The following NRF1 variants were observed in gnomAD, a reference collection of about 807,000 sequenced individuals.
NRF1 encodes alpha palindromic-binding protein.
Under a neutral mutation model 58.5 loss-of-function variants are expected in NRF1, and 5 were observed. That is an observed-to-expected ratio of 0.09 (90% CI 0.04 to 0.18). NRF1 has a LOEUF of 0.18. Ranked by LOEUF, NRF1 falls within the 10% of genes least tolerant of loss-of-function variation. The pLI, the probability that NRF1 is intolerant of heterozygous loss-of-function variation, is 1.00. For missense variants in NRF1, 288 were observed against 657.7 expected (o/e 0.44, Z 6.15); for synonymous variants, 224 against 246.7 (o/e 0.91, Z 0.86).
Position 129,671,339 on chromosome 7 carries a change from C to G in NRF1, c.224-90C>G, listed in dbSNP as rs1004637414. The G allele has an allele frequency of 2.9e-5, 20 of 687,304 alleles. No individual in the cohort carries two copies. In the African/African-American group the frequency reaches 3.4e-4, roughly 12 times the overall value. The allele number at this position is 687,304 out of a possible 1,614,324, so 42.6% of individuals were successfully genotyped here. A position where few individuals can be genotyped will look rare whatever the true frequency, so the allele number is the denominator to read the frequency against. On this transcript the variant is annotated intron_variant, in intron 2 of 10. Transcript: ENST00000393232. ...TTTACCGACAACAATATTAGGAAAG[C>G]AGTGCTACCTTTTTTGTACCTTTAA...
chr7:129,691,971 A>G (rs1449177426), intron 5 of NRF1, among the ~76,000 whole-genome samples: 1 of 151,988 alleles, frequency 6.6e-6, no homozygotes, highest in East Asian at 1.9e-4. Flanking sequence ...TCTCCACTCC[A>G]CATCTGTTCC....
chr7:129,737,559 A>G (rs1803745685), intron 10 of NRF1, among the ~76,000 whole-genome samples: 1 of 150,782 alleles, frequency 6.6e-6, no homozygotes, highest in South Asian at 2.1e-4. Context: ...AGACTGTAAA[A>G]CACATCTCCT....
At chr7:129,699,991 T>C (rs1412304195) in intron 5 of NRF1, among the ~76,000 whole-genome samples, 1 of 106,958 alleles carries the variant, frequency 9.3e-6, no homozygotes, top group Non-Finnish European at 2.0e-5. Context: ...AAAAAAAAAA[T>C]TTAGCCGGGC....
At chr7:129,634,061 TACAC>T (rs141834786) in intron 1 of NRF1, among the ~76,000 whole-genome samples, 98 of 131,464 alleles carry the variant, frequency 7.5e-4, no homozygotes, top group Admixed American at 1.8e-3. Flanking sequence ...TATATATATA[TACAC>T]ACACACACAC....
chr7:129,612,696 CAG>C (rs1230194350), intron 1 of NRF1, among the ~76,000 whole-genome samples: 4 of 152,304 alleles, frequency 2.6e-5, no homozygotes, highest in South Asian at 4.1e-4. Context: ...ACTGGAAAGA[CAG>C]GGGCTCTGAG....
At chr7:129,745,510 C>CT (rs386411288) in intron 10 of NRF1, among the ~76,000 whole-genome samples, 1 of 148,750 alleles carries the variant, frequency 6.7e-6, no homozygotes, top group Non-Finnish European at 1.5e-5. Context: ...CCCTCAACCC[C>CT]CCCCCCATCC....
chr7:129,745,874 AT>A (rs1435977823), intron 10 of NRF1, among the ~76,000 whole-genome samples: 1 of 152,220 alleles, frequency 6.6e-6, no homozygotes, highest in Non-Finnish European at 1.5e-5. Flanking sequence ...TTCAGTTTTA[AT>A]ATTTGGCTTA....
chr7:129,696,526 G>A (rs1021293810), intron 5 of NRF1, among the ~76,000 whole-genome samples: 1 of 152,146 alleles, frequency 6.6e-6, no homozygotes, highest in African/African-American at 2.4e-5. Context: ...TAGCCATAAA[G>A]AACAAGTACA....
chr7:129,719,524 AC>A (rs1562982147), intron 9 of NRF1, among the ~76,000 whole-genome samples: 3 of 150,546 alleles, frequency 2.0e-5, no homozygotes, highest in African/African-American at 7.3e-5. Context: ...ACACACACAC[AC>A]ACACACACAC....
At chr7:129,754,534 T>C (rs1364237628) in intron 10 of NRF1, among the ~76,000 whole-genome samples, 1 of 147,902 alleles carries the variant, frequency 6.8e-6, no homozygotes, top group African/African-American at 2.5e-5. Flanking sequence ...AGAATAATAG[T>C]TACCAGAGTC....
chr7:129,613,293 T>G (rs1353905996), intron 1 of NRF1, among the ~76,000 whole-genome samples: 1 of 151,324 alleles, frequency 6.6e-6, no homozygotes, highest in Non-Finnish European at 1.5e-5. Context: ...GAGATGCTGT[T>G]TGTGTGTGTG....
intron 10 of NRF1, among the ~76,000 whole-genome samples, chr7:129,732,594 G>A (rs1199345909): frequency 3.7e-5 from 2 of 54,304 alleles, no homozygotes; most frequent in Admixed American, 2.2e-4. Flanking sequence ...TTGTCCTTTG[G>A]GGTTTTTGTT....
chr7:129,686,138 AAAG>A (rs1460531982), intron 4 of NRF1, among the ~76,000 whole-genome samples: 1 of 151,700 alleles, frequency 6.6e-6, no homozygotes, highest in African/African-American at 2.4e-5. Flanking sequence ...TAGAAGTTTC[AAAG>A]AAGAGAACTT....
At position 129,619,411 on chromosome 7, in the gene NRF1, TATATATATATATATATATATATAC is replaced by T. The variant is rs1264259138; in HGVS notation, c.-7+7589_-7+7612del. Among the ~76,000 whole-genome samples, 8 of 95,476 alleles carry T rather than the reference TATATATATATATATATATATATAC, an allele frequency of 8.4e-5. 1 individual carries two copies. Among genetic ancestry groups the T allele is most frequent in the Middle Eastern group, 0.01 (2 of 198 alleles). The allele number at this position is 95,476 out of a possible 152,430, so 62.6% of individuals were successfully genotyped here. On this transcript the variant is annotated intron_variant, in intron 1 of 10. Transcript: ENST00000393232. ...TGGCATACGTGTATATATATATATA[TATATATATATATATATATATATAC>T]ACACACACACACATATATATACACG...
In NRF1 at chr7:129,755,262, T is replaced by A; in HGVS notation, c.*81T>A. ...TTGCAGAGGTGCAATCAAATGGAAT[T>A]AAGTCTCTCGACTTTGGAAGGAAAG... On this transcript the variant is annotated 3_prime_UTR_variant, in exon 11 of 11. Transcript: ENST00000393232. This position sits in a 1 kb window ranked among gnomAD's most constrained non-coding sequence, Gnocchi z 5.8. 1 of 1,249,268 alleles carries A rather than the reference T, an allele frequency of 8.0e-7. No individual in the cohort carries two copies. Among genetic ancestry groups the A allele is most frequent in the Non-Finnish European group, 1.1e-6 (1 of 944,184 alleles). The allele number at this position is 1,249,268 out of a possible 1,614,324, so 77.4% of individuals were successfully genotyped here.
At chr7:129,713,583 C>T (rs1803124368) in intron 8 of NRF1, among the ~76,000 whole-genome samples, 1 of 152,184 alleles carries the variant, frequency 6.6e-6, no homozygotes, top group African/African-American at 2.4e-5. Flanking sequence ...TCAGTAAACA[C>T]TTTTTGAGCC....
chr7:129,736,627 A>G (rs1329991834), intron 10 of NRF1, among the ~76,000 whole-genome samples: 1 of 89,834 alleles, frequency 1.1e-5, no homozygotes, highest in Non-Finnish European at 2.4e-5. Context: ...TTTGGTATCT[A>G]TAGCTTTTTT....
chr7:129,656,842 G>T (rs1801668727), intron 1 of NRF1, among the ~76,000 whole-genome samples: 1 of 152,216 alleles, frequency 6.6e-6, no homozygotes, highest in East Asian at 1.9e-4. Flanking sequence ...CTCCCAAAGT[G>T]CTGGGACTAC....
intron 2 of NRF1, among the ~76,000 whole-genome samples, chr7:129,669,161 G>A (rs1801986907): frequency 6.6e-6 from 1 of 152,102 alleles, no homozygotes; most frequent in Non-Finnish European, 1.5e-5. Context: ...TGGCCAGGCT[G>A]GTCTCAAACT....
Sources: gnomAD v4.1 joint callset for allele counts (sites outside exome capture counted in the v4.1 genomes callset) on GRCh38, gnomAD v4.1.1 for gene constraint, Gnocchi (gnomAD v3.1) non-coding constraint, MANE v1.5 for transcripts, NCBI Gene and HGNC (gene_info 2026-07-23, HGNC 2026-07-21) for gene names.